Variants in TPH2 observed in about 807,000 individuals in gnomAD.
TPH2 encodes the protein tryptophan 5-hydroxylase 2.
A neutral mutation model predicts 59.1 loss-of-function variants in TPH2; 27 were observed. That is an observed-to-expected ratio of 0.46 (90% CI 0.34 to 0.63). The LOEUF is 0.63. Among genes scored for constraint, TPH2 ranks in the 30% least tolerant of loss-of-function variants. TPH2 has a pLI of 0.01. For synonymous variants in TPH2, 220 were observed against 210.5 expected, an observed-to-expected ratio of 1.05 and a Z score of -0.39; for missense variants, 523 against 588.3, an observed-to-expected ratio of 0.89 and a Z score of 1.15.
intron 9 of TPH2, among the ~76,000 whole-genome samples, chr12:72,025,935 T>C (rs913704388): frequency 2.0e-5 from 3 of 152,172 alleles, no homozygotes; most frequent in Non-Finnish European, 4.4e-5. Flanking sequence ...AAACACAAAA[T>C]TGATGGTCCA....
At chr12:72,020,016 G>A (rs185756255) in intron 8 of TPH2, among the ~76,000 whole-genome samples, 98 of 152,276 alleles carry the variant, frequency 6.4e-4, no homozygotes, top group Non-Finnish European at 1.1e-3. Flanking sequence ...TTCATTTACC[G>A]TTTATTTATT....
At chr12:71,967,055 T>A (rs1871837004) in intron 5 of TPH2, among the ~76,000 whole-genome samples, 1 of 152,234 alleles carries the variant, frequency 6.6e-6, no homozygotes, top group Admixed American at 6.5e-5. Context: ...TGCTTATTCA[T>A]CTGGCTGTAG....
At chr12:71,961,379 T>A (rs1187240987) in intron 5 of TPH2, among the ~76,000 whole-genome samples, 1 of 152,240 alleles carries the variant, frequency 6.6e-6, no homozygotes, top group Non-Finnish European at 1.5e-5. Flanking sequence ...AATAAATGAA[T>A]GCTGTTATTA....
At chr12:72,004,244 A>C (rs923029130) in intron 8 of TPH2, among the ~76,000 whole-genome samples, 1 of 150,676 alleles carries the variant, frequency 6.6e-6, no homozygotes, top group African/African-American at 2.4e-5. Context: ...AGGCACAAAG[A>C]AACAAATTAT....
Position 72,031,385 on chromosome 12 carries a change from A to G in TPH2, c.1292A>G (p.Lys431Arg). 6.2e-7 allele frequency: 1 copy of G among 1,613,678 alleles called. No homozygotes were observed. The highest frequency in any genetic ancestry group is 2.2e-5 in the East Asian group (1 of 44,878). ...VSESFEEAKE[K>R]MRDFAKSITR... The stretch of plus-strand genomic sequence containing the variant: ...GAAAGTTTTGAAGAAGCCAAAGAAA[A>G]GATGAGGTAAACTTTTTTTTCCTCC... Residue 431 changes from lysine to arginine, a missense_variant, in exon 10 of 11, where the codon AAG becomes AGG. Lys to Arg is a conservative substitution (Grantham distance 26). Coordinates refer to ENST00000333850, the MANE Select transcript of TPH2 (RefSeq NM_173353.4).
At position 72,000,654 on chromosome 12, in the gene TPH2, C is replaced by T. The variant is rs1271611840; in HGVS notation, c.1068+6089C>T. Among the ~76,000 whole-genome samples, 4 of 152,142 alleles carry T rather than the reference C, an allele frequency of 2.6e-5. No homozygotes were observed. The East Asian group carries it at 5.8e-4, about 22-fold the overall frequency. ...CATAGTAATCTTTCATCCTTATTTCCATATTTTGCCTGCTTTTCTAACAAC... is the reference window on the plus strand; with the variant it reads ...CATAGTAATCTTTCATCCTTATTTCTATATTTTGCCTGCTTTTCTAACAAC... On this transcript the variant is annotated intron_variant, in intron 8 of 10. Coordinates refer to ENST00000333850, the MANE Select transcript of TPH2 (RefSeq NM_173353.4).
chr12:71,949,722 A>G, intron 5 of TPH2, 67 bp downstream of exon 5: 1 of 1,336,298 alleles, frequency 7.5e-7, no homozygotes, highest in Non-Finnish European at 1.1e-6. Context: ...TGTTAAACAA[A>G]CCTGTCATCT....
chr12:71,991,847 T>C (rs913233342), intron 7 of TPH2, among the ~76,000 whole-genome samples: 6 of 152,214 alleles, frequency 3.9e-5, no homozygotes, highest in African/African-American at 1.4e-4. Flanking sequence ...TGAACAGCTC[T>C]AAATTACATA....
chr12:71,998,671 G>C (rs929890655), intron 8 of TPH2, among the ~76,000 whole-genome samples: 13 of 152,174 alleles, frequency 8.5e-5, no homozygotes, highest in Non-Finnish European at 1.9e-4. Flanking sequence ...GGTCTTACTG[G>C]CAGGGATAAA....
intron 5 of TPH2, among the ~76,000 whole-genome samples, chr12:71,953,699 T>TTTGTC (rs1871415552): frequency 6.6e-6 from 1 of 152,210 alleles, no homozygotes; most frequent in Admixed American, 6.5e-5. Flanking sequence ...AAGGGATAGA[T>TTTGTC]CATTTGAGAT....
intron 9 of TPH2, among the ~76,000 whole-genome samples, chr12:72,025,065 C>T (rs972298872): frequency 6.6e-5 from 10 of 152,088 alleles, no homozygotes; most frequent in African/African-American, 2.2e-4. Flanking sequence ...TGAAAGTACC[C>T]AGAGCCCTCT....
intron 5 of TPH2, among the ~76,000 whole-genome samples, chr12:71,954,744 TA>T (rs757472246): frequency 1.3e-4 from 20 of 152,186 alleles, no homozygotes; most frequent in Non-Finnish European, 2.4e-4. Flanking sequence ...CAATCAGTGA[TA>T]CGTTTTTTCA....
At chr12:72,001,397 C>A (rs1872817044) in intron 8 of TPH2, among the ~76,000 whole-genome samples, 1 of 151,262 alleles carries the variant, frequency 6.6e-6, no homozygotes, top group Non-Finnish European at 1.5e-5. Flanking sequence ...TGTATTTGGA[C>A]AACACTAGCT....
At chr12:71,989,680 G>A (rs775146445) in intron 7 of TPH2, among the ~76,000 whole-genome samples, 9 of 152,320 alleles carry the variant, frequency 5.9e-5, no homozygotes, top group Non-Finnish European at 8.8e-5. Flanking sequence ...GTTGTTCAAC[G>A]CGTAGTGTGA....
intron 7 of TPH2, among the ~76,000 whole-genome samples, chr12:71,988,943 A>G (rs555114857): frequency 2.4e-3 from 370 of 152,314 alleles, no homozygotes; most frequent in African/African-American, 8.5e-3. Flanking sequence ...AAATAGGCAC[A>G]CAATGAACTA....
At chr12:72,023,838 A>AAAAAAAAAAAAG (rs1873496330) in intron 9 of TPH2, among the ~76,000 whole-genome samples, 1 of 150,384 alleles carries the variant, frequency 6.6e-6, no homozygotes, top group Non-Finnish European at 1.5e-5. Flanking sequence ...AAAAAAAAAG[A>AAAAAAAAAAAAG]AAATAATGAT....
rs1161676605 is a variant in TPH2 at position 72,031,271 on chromosome 12, A to T, written c.1178A>T (p.Asp393Val). The change falls in exon 10 of 11, where the codon GAC (aspartate) becomes GTC (valine). Residue 393 changes from aspartate to valine, a missense_variant. By Grantham distance (152) the Asp-to-Val change is radical (BLOSUM62 -3). Coordinates refer to ENST00000333850, the MANE Select transcript of TPH2 (RefSeq NM_173353.4). The part of the protein sequence containing the change: ...SIGELKHALS[D>V]KACVKAFDPK... ...TATATTTTGCAGCACGCCCTTTCTG[A>T]CAAGGCATGTGTGAAAGCCTTTGAC... The T allele has an allele frequency of 6.2e-7, 1 of 1,613,538 alleles. No individual in the cohort carries two copies. Among genetic ancestry groups the T allele is most frequent in the Middle Eastern group, 1.7e-4 (1 of 6,060 alleles).
intron 7 of TPH2, among the ~76,000 whole-genome samples, chr12:71,985,648 C>T (rs563635268): frequency 6.6e-5 from 10 of 152,162 alleles, no homozygotes; most frequent in Admixed American, 1.3e-4. Context: ...CCAGCCACCT[C>T]GGCCTCCCAA....
intron 5 of TPH2, 54 bp downstream of exon 5, chr12:71,949,709 C>A: frequency 6.9e-7 from 1 of 1,440,144 alleles, no homozygotes; most frequent in Non-Finnish European, 9.8e-7. Flanking sequence ...AAAACACATG[C>A]TGTGTTAAAC....
Sources: gnomAD v4.1 joint callset for allele counts (sites outside exome capture counted in the v4.1 genomes callset) on GRCh38, gnomAD v4.1.1 for gene constraint, MANE v1.5 for transcripts, NCBI Gene and HGNC (gene_info 2026-07-23, HGNC 2026-07-21) for gene names.